Variants in ADGRF5 observed in about 807,000 individuals in gnomAD.
The protein encoded by ADGRF5 is adhesion G protein-coupled receptor F5.
Under a neutral mutation model 132.3 loss-of-function variants are expected in ADGRF5, and 75 were observed. The ratio of observed to expected loss-of-function variants is 0.57; its 90% confidence interval spans 0.47 to 0.69. The LOEUF (loss-of-function observed/expected upper bound fraction) is 0.69, where lower values mean the gene tolerates loss of function less well. Ranked by LOEUF, ADGRF5 falls within the 30% of genes least tolerant of loss-of-function variation. The pLI is 0.00. For missense variants in ADGRF5, 1,516 were observed against 1,630.6 expected (o/e 0.93, Z 1.21); for synonymous variants, 629 against 597.6 (o/e 1.05, Z -0.77).
intron 4 of ADGRF5, chr6:46,887,977 T>G: frequency 1.3e-5 from 2 of 159,716 alleles, no homozygotes; most frequent in South Asian, 3.2e-4. Flanking sequence ...TGTCCATTGA[T>G]ATACCAAGGG....
At chr6:46,869,442 T>C in intron 11 of ADGRF5, 1 of 940,534 alleles carries the variant, frequency 1.1e-6, no homozygotes, top group East Asian at 1.2e-4. Flanking sequence ...ACCTCCTCTG[T>C]AACACCTTAA....
Position 46,859,063 on chromosome 6 carries a change from G to T in ADGRF5, c.2840C>A (p.Pro947His), listed in dbSNP as rs759551998. ...RISMTFKNNS[P>H]SGGETKCVFW... is the part of the protein sequence containing the mutation. ...GACACACTTCGTTTCGCCGCCTGAAGGGCTATTGTTCTTAAAAGTCATTGA... is the reference window on the plus strand; with the variant it reads ...GACACACTTCGTTTCGCCGCCTGAATGGCTATTGTTCTTAAAAGTCATTGA... Residue 947 changes from proline (P) to histidine (H), a missense_variant, in exon 17 of 21, where the codon CCT becomes CAT. Pro to His is a moderately conservative substitution (Grantham distance 77). Transcript: ENST00000283296. The T allele has an allele frequency of 6.2e-7, 1 of 1,614,104 alleles. No homozygotes were observed. Among genetic ancestry groups the T allele is most frequent in the South Asian group, 1.1e-5 (1 of 91,084 alleles).
chr6:46,880,845 C>G (rs1057456975), intron 8 of ADGRF5, among the ~76,000 whole-genome samples: 2 of 152,018 alleles, frequency 1.3e-5, no homozygotes, highest in African/African-American at 2.4e-5. Flanking sequence ...AATCCCAACA[C>G]TTTGGGAGGC....
chr6:46,945,283 T>C (rs1778260264), intron 1 of ADGRF5, among the ~76,000 whole-genome samples: 1 of 152,232 alleles, frequency 6.6e-6, no homozygotes, highest in Non-Finnish European at 1.5e-5. Context: ...AAGGTAGAAG[T>C]TTGTTAGTAA....
Position 46,855,721 on chromosome 6 carries a change from C to T in ADGRF5, c.3961+253G>A, listed in dbSNP as rs1464401611. ...GGATGATATTTTGACAGATAGCTCT[C>T]CAAATCATTGTCTAGATTCTCCAAA... On this transcript the variant is annotated intron_variant, in intron 20 of 20. Coordinates refer to ENST00000283296, the MANE Select transcript of ADGRF5 (RefSeq NM_001098518.2). Among the ~76,000 whole-genome samples the T allele has an allele frequency of 5.3e-5, 8 of 152,174 alleles. No individual in the cohort carries two copies. In the East Asian group the frequency reaches 1.5e-3, roughly 29 times the overall value.
At chr6:46,934,947 A>G (rs1346086653) in intron 1 of ADGRF5, among the ~76,000 whole-genome samples, 1 of 152,122 alleles carries the variant, frequency 6.6e-6, no homozygotes, top group East Asian at 1.9e-4. Context: ...TTTTTAGGAA[A>G]AATACTTAAT....
intron 14 of ADGRF5, 114 bp downstream of exon 14, chr6:46,864,928 C>T (rs1770239482): frequency 1.4e-6 from 1 of 725,234 alleles, no homozygotes; most frequent in South Asian, 1.8e-5. Context: ...CAGGGCCTAC[C>T]ACAGTGAGGG....
At chr6:46,876,220 G>A (rs534121620) in intron 10 of ADGRF5, among the ~76,000 whole-genome samples, 4 of 152,220 alleles carry the variant, frequency 2.6e-5, no homozygotes, top group East Asian at 1.9e-4. Context: ...GAGAAACCAC[G>A]GTGCAGGTCC....
intron 1 of ADGRF5, among the ~76,000 whole-genome samples, chr6:46,917,622 GATAA>G (rs1226117464): frequency 1.3e-5 from 2 of 152,120 alleles, no homozygotes; most frequent in Non-Finnish European, 2.9e-5. Flanking sequence ...GCAAATACTC[GATAA>G]ATATTGTTTG....
rs1367981046 is a variant in ADGRF5 at position 46,853,648 on chromosome 6, C to T, written c.*344G>A. 1 of 160,590 alleles carries T rather than the reference C, an allele frequency of 6.2e-6. No homozygotes were observed. The highest frequency in any genetic ancestry group is 2.4e-5 in the African/African-American group (1 of 41,420). The allele number at this position is 160,590 out of a possible 1,614,324, so 9.9% of individuals were successfully genotyped here. A position where few individuals can be genotyped will look rare whatever the true frequency, so the allele number is the denominator to read the frequency against. On this transcript the variant is annotated 3_prime_UTR_variant, in exon 21 of 21. Coordinates refer to ENST00000283296, the MANE Select transcript of ADGRF5 (RefSeq NM_001098518.2). ...GTAGCCTTTTACTTACTACTTTAAT[C>T]AAAGCTTATCTTTGTGCCCAATGTG... is the stretch of plus-strand genomic sequence containing the variant.
In ADGRF5 at chr6:46,863,085, T is replaced by A; in HGVS notation, c.2002A>T (p.Thr668Ser). The A allele has an allele frequency of 6.2e-7, 1 of 1,613,044 alleles. No homozygotes were observed. Among genetic ancestry groups the A allele is most frequent in the Non-Finnish European group, 8.5e-7 (1 of 1,179,010 alleles). Residue 668 changes from threonine (T) to serine (S), a missense_variant, in exon 15 of 21, where the codon ACA becomes TCA. Physicochemically the swap from Thr to Ser is moderately conservative, Grantham distance 58. Transcript: ENST00000283296. The stretch of plus-strand genomic sequence containing the variant: ...ACACCTATTACGGGATCCTGGCATG[T>A]GATGTTTTCCCCTGTGTTGGAAACA... ...KLNLVPGENI[T>S]CQDPVIGVGE...
chr6:46,908,410 G>T (rs1187469801), intron 1 of ADGRF5, among the ~76,000 whole-genome samples: 2 of 152,104 alleles, frequency 1.3e-5, no homozygotes, highest in Non-Finnish European at 2.9e-5. Context: ...CCCAACCTCA[G>T]TTGGTTCCCT....
rs550821390 is a variant in ADGRF5 at position 46,933,420 on chromosome 6, C to T, written c.-25+21314G>A. On this transcript the variant is annotated intron_variant, in intron 1 of 20. Coordinates refer to the ADGRF5 transcript ENST00000265417. ...CTTTCCCCTAAATCCACTGAATTCT[C>T]TGTCTCCCCAGGTCCAAGTTGTGGA... Among the ~76,000 whole-genome samples the T allele has an allele frequency of 1.0e-3, 157 of 152,318 alleles. 2 individuals carry two copies. The highest frequency in any genetic ancestry group is 1.3e-3 in the Non-Finnish European group (91 of 68,024).
rs1203159489 is a variant in ADGRF5, at chr6:46,929,119, T to G, written c.-24-22333A>C. Among the ~76,000 whole-genome samples, 3 of 151,964 alleles carry G rather than the reference T, an allele frequency of 2.0e-5. No individual in the cohort carries two copies. In the East Asian group the frequency reaches 5.8e-4, roughly 29 times the overall value. ...AATGTCCAACAATGATAGACTGGATTAAGAAAATGTGGCACATATACACCA... is the reference window on the plus strand; with the variant it reads ...AATGTCCAACAATGATAGACTGGATGAAGAAAATGTGGCACATATACACCA... On this transcript the variant is annotated intron_variant, in intron 1 of 20. Coordinates refer to the ADGRF5 transcript ENST00000265417.
Position 46,884,196 on chromosome 6 carries a change from T to C in ADGRF5, c.404A>G (p.His135Arg). ...GTCACGCTCTTGACAAATGAGATTGTGAAGACACCTTTCCCGAGGCCACCC... is the reference window on the plus strand; with the variant it reads ...GTCACGCTCTTGACAAATGAGATTGCGAAGACACCTTTCCCGAGGCCACCC... ...GYGWPRERCL[H>R]NLICQERDVF... The change falls in exon 5 of 21, where the codon CAC becomes CGC. Residue 135 changes from histidine to arginine, a missense_variant. Physicochemically the swap from His to Arg is conservative, Grantham distance 29. This residue lies in a region of ADGRF5 where 945 missense variants were observed against 929.4 expected (regional missense o/e 1.02). Coordinates refer to ENST00000283296, the MANE Select transcript of ADGRF5 (RefSeq NM_001098518.2). 6.2e-7 allele frequency: 1 copy of C among 1,614,050 alleles called. No homozygotes were observed. The highest frequency in any genetic ancestry group is 8.5e-7 in the Non-Finnish European group (1 of 1,179,924).
At chr6:46,874,618 G>T (rs1401307129) in intron 10 of ADGRF5, among the ~76,000 whole-genome samples, 1 of 152,204 alleles carries the variant, frequency 6.6e-6, no homozygotes, top group African/African-American at 2.4e-5. Flanking sequence ...GGCGGCTGTA[G>T]TTCTGGTATG....
intron 2 of ADGRF5, among the ~76,000 whole-genome samples, chr6:46,904,523 G>C (rs1300839662): frequency 6.6e-6 from 1 of 152,128 alleles, no homozygotes; most frequent in African/African-American, 2.4e-5. Context: ...AATTAGAATA[G>C]TAGTAACCAG....
rs370837243 is a variant in ADGRF5, at chr6:46,868,947, C to A, written c.1557G>T (p.Thr519=). ...GIKIYQRFYT[T]RRYLDGAESV... is the part of the protein sequence containing the mutation. ...ATTCTGCTCCATCAAGATACCTCCT[C>A]GTGGTATAAAATCTTTGGTATATTT... The change falls in exon 12 of 21, where the codon ACG becomes ACT. Residue 519 remains threonine, a synonymous_variant. Transcript: ENST00000283296. 1 of 1,613,128 alleles carries A rather than the reference C, an allele frequency of 6.2e-7. No individual in the cohort carries two copies. The highest frequency in any genetic ancestry group is 8.5e-7 in the Non-Finnish European group (1 of 1,179,116).
At chr6:46,933,562 A>T (rs1179240012) in intron 1 of ADGRF5, among the ~76,000 whole-genome samples, 1 of 152,202 alleles carries the variant, frequency 6.6e-6, no homozygotes, top group Non-Finnish European at 1.5e-5. Context: ...GCTACTAATG[A>T]AGGTGAGTTG....
Sources: allele counts gnomAD v4.1 joint callset (sites outside exome capture counted in the v4.1 genomes callset), GRCh38; gene constraint gnomAD v4.1.1; regional missense constraint gnomAD v4.1.1; transcripts MANE v1.5; gene names NCBI Gene and HGNC (gene_info 2026-07-23, HGNC 2026-07-21).